COL2A1: variants seen among roughly 807,000 people sequenced by gnomAD.
The protein encoded by COL2A1 is collagen type II alpha 1 chain.
A neutral mutation model predicts 204.5 loss-of-function variants in COL2A1; 28 were observed. The ratio of observed to expected loss-of-function variants is 0.14; its 90% CI spans 0.10 to 0.19. The LOEUF (loss-of-function observed/expected upper bound fraction) is 0.19, where lower values mean the gene tolerates loss of function less well. Among genes scored for constraint, COL2A1 ranks in the 10% least tolerant of loss-of-function variants. The pLI is 1.00. For missense variants in COL2A1, 1,388 were observed against 2,027.5 expected (o/e 0.68, Z 6.06); for synonymous variants, 708 against 718.7 (o/e 0.99, Z 0.24).
chr12:47,992,729 A>T, intron 16 of COL2A1, 149 bp downstream of exon 16: 1 of 798,640 alleles, frequency 1.3e-6, no homozygotes, highest in Non-Finnish European at 2.2e-6. Context: ...TCAGCCTGGG[A>T]AGTTTTGATG....
intron 1 of COL2A1, 52 bp from the exon 2 acceptor site, chr12:48,000,177 G>T: frequency 7.6e-7 from 1 of 1,316,960 alleles, no homozygotes; most frequent in South Asian, 1.2e-5. Context: ...AGGAGGGGGT[G>T]GGGAGCCAGA....
At chr12:47,993,653 C>T in intron 14 of COL2A1, 151 bp from the exon 15 acceptor site, 1 of 1,105,496 alleles carries the variant, frequency 9.0e-7, no homozygotes, top group African/African-American at 1.5e-5. Context: ...CTCTCCAGGC[C>T]TGCTGTTGGC....
chr12:47,977,366 G>A lies in COL2A1; in HGVS notation c.3227C>T (p.Pro1076Leu), dbSNP rs577184544. 9 of 1,613,600 alleles carry A rather than the reference G, an allele frequency of 5.6e-6. No individual in the cohort carries two copies. In the African/African-American group the frequency reaches 1.2e-4, roughly 22 times the overall value. The change falls in exon 46 of 54, where the codon CCT (proline) becomes CTT (leucine). Residue 1076 changes from proline (P) to leucine (L), a missense_variant. Coordinates refer to ENST00000380518, the MANE Select transcript of COL2A1 (RefSeq NM_001844.5). ...CTTGCCAGTTGGACCAGCGGGGCCA[G>A]GGGAGCCAGGGGGCCCAGGGGCTCC... is the stretch of plus-strand genomic sequence containing the variant. ...APGAPGPPGS[P>L]GPAGPTGKQG...
rs376233628 is a variant in COL2A1 at position 47,992,840 on chromosome 12, T to C, written c.1023+38A>G. 15 of 1,610,670 alleles carry C rather than the reference T, an allele frequency of 9.3e-6. No homozygotes were observed. The Middle Eastern group carries it at 1.2e-3, about 124-fold the overall frequency. ...AACAAACCTGTAAACTCTAAAGTGC[T>C]CGGCAAATGGTGGTGTTTGGCTTTG... is the stretch of plus-strand genomic sequence containing the variant. On this transcript the variant is annotated intron_variant, in intron 16 of 53. Transcript: ENST00000380518.
intron 34 of COL2A1, 100 bp from the exon 35 acceptor site, chr12:47,982,260 C>T (rs1939134641): frequency 1.8e-6 from 2 of 1,107,836 alleles, no homozygotes; most frequent in Admixed American, 3.4e-5. Flanking sequence ...AGCCCAGTCC[C>T]TGCCCAAGAG....
At chr12:47,994,134 T>C in intron 12 of COL2A1, 87 bp from the exon 13 acceptor site, 2 of 1,463,330 alleles carry the variant, frequency 1.4e-6, no homozygotes, top group East Asian at 2.3e-5. Flanking sequence ...TCCAGTTCCC[T>C]TGGGCCACCA....
At chr12:47,986,311 G>T in intron 23 of COL2A1, 25 bp downstream of exon 23, 1 of 1,421,562 alleles carries the variant, frequency 7.0e-7, no homozygotes, top group Non-Finnish European at 9.7e-7. Context: ...GGCCCCATGG[G>T]ATGGAGCCTC....
intron 1 of COL2A1, 88 bp from the exon 2 acceptor site, chr12:48,000,213 A>G: frequency 2.2e-6 from 2 of 909,732 alleles, no homozygotes; most frequent in Non-Finnish European, 3.5e-6. Flanking sequence ...GTTGCAGTCA[A>G]CTTGACAGAA....
chr12:47,992,782 A>G (rs916087416), intron 16 of COL2A1, 96 bp downstream of exon 16: 4 of 1,266,406 alleles, frequency 3.2e-6, no homozygotes, highest in East Asian at 4.7e-5. Flanking sequence ...AATACTCCCT[A>G]TGCCTCACAG....
At position 47,974,766 on chromosome 12, in the gene COL2A1, G is replaced by A. The variant is rs1217363397; in HGVS notation, c.3983C>T (p.Pro1328Leu). 6.2e-7 allele frequency: 1 copy of A among 1,614,188 alleles called. No individual in the cohort carries two copies. The highest frequency in any genetic ancestry group is 1.7e-5 in the Admixed American group (1 of 60,028). ...CCAGTTCTTCTTGGGAACGTTTGCTGGATTGGGGTAGACGCAAGTCTCGCC... is the reference window on the plus strand; with the variant it reads ...CCAGTTCTTCTTGGGAACGTTTGCTAGATTGGGGTAGACGCAAGTCTCGCC... ...ETGETCVYPN[P>L]ANVPKKNWWS... Residue 1328 changes from proline (P) to leucine (L), a missense_variant, in exon 52 of 54, where the codon CCA (proline) becomes CTA (leucine). Physicochemically the swap from Pro to Leu is moderately conservative, Grantham distance 98. Coordinates refer to ENST00000380518, the MANE Select transcript of COL2A1 (RefSeq NM_001844.5).
intron 37 of COL2A1, 24 bp downstream of exon 37, chr12:47,981,319 A>G (rs1297442174): frequency 1.9e-6 from 3 of 1,610,642 alleles, no homozygotes; most frequent in Non-Finnish European, 2.5e-6. Flanking sequence ...GGGCAGAGCC[A>G]GGCTCAGAGG....
At chr12:48,002,813 A>G (rs1281742051) in intron 1 of COL2A1, 1 of 152,286 alleles carries the variant, frequency 6.6e-6, no homozygotes, top group Non-Finnish European at 1.5e-5. Flanking sequence ...AGCTTAGCGC[A>G]CTACCGGGTG....
rs570997824 is a variant in COL2A1 at position 47,987,308 on chromosome 12, G to T, written c.1227C>A (p.Asn409Lys). Residue 409 changes from asparagine (N) to lysine (K), a missense_variant, in exon 20 of 54, where the codon AAC (asparagine) becomes AAA (lysine). Transcript: ENST00000380518. This position sits in a 1 kb window ranked among gnomAD's most constrained non-coding sequence, Gnocchi z 4.1. ...GSPGPAGASG[N>K]PGTDGIPGAK... ...CTCCAGGAATTCCATCTGTTCCAGG[G>T]TTACCCTGAAAAGGGAGACATTGTC... 2 of 1,614,074 alleles carry T rather than the reference G, an allele frequency of 1.2e-6. No homozygotes were observed. The highest frequency in any genetic ancestry group is 2.7e-5 in the African/African-American group (2 of 75,020).
At chr12:47,998,006 GAGAA>G in intron 5 of COL2A1, 22 bp downstream of exon 5, 2 of 1,614,196 alleles carry the variant, frequency 1.2e-6, no homozygotes, top group Non-Finnish European at 1.7e-6. Context: ...GGAAGGGACG[GAGAA>G]AGAGATTTCT....
In COL2A1 at chr12:47,977,349, T is replaced by C. The variant is rs886049446; in HGVS notation, c.3244A>G (p.Thr1082Ala). The change falls in exon 46 of 54, where the codon ACT becomes GCT. Residue 1082 changes from threonine to alanine, a missense_variant. By Grantham distance (58) the Thr-to-Ala change is moderately conservative (BLOSUM62 0). This residue lies in a region of COL2A1 where 884 missense variants were observed against 1,415.8 expected (regional missense o/e 0.62). Transcript: ENST00000380518. The stretch of plus-strand genomic sequence containing the variant: ...TCTCCTCTGTCTCCTTGCTTGCCAG[T>C]TGGACCAGCGGGGCCAGGGGAGCCA... The part of the protein sequence containing the change: ...PPGSPGPAGP[T>A]GKQGDRGEAG... 1.2e-6 allele frequency: 2 copies of C among 1,613,678 alleles called. No homozygotes were observed. The highest frequency in any genetic ancestry group is 1.7e-5 in the Admixed American group (1 of 60,002).
At chr12:48,004,006 T>C (rs375363475) in intron 1 of COL2A1, 12 of 563,018 alleles carry the variant, frequency 2.1e-5, no homozygotes, top group African/African-American at 2.1e-4. Flanking sequence ...CGTAGGGACC[T>C]GCAAATACTT....
At chr12:48,003,198 T>TGACCCAGGCTTTGTTATTCAAAAAGCAG (rs1940316189) in intron 1 of COL2A1, among the ~76,000 whole-genome samples, 1 of 152,084 alleles carries the variant, frequency 6.6e-6, no homozygotes, top group Non-Finnish European at 1.5e-5. Context: ...GGTAGAAAGG[T>TGACCCAGGCTTTGTTATTCAAAAAGCAG]GCAGTCCGAA....
In COL2A1 at chr12:47,979,796, G is replaced by A. The variant is rs571140559; in HGVS notation, c.2679+213C>T. On this transcript the variant is annotated intron_variant, in intron 40 of 53. Transcript: ENST00000380518. ...CAGTCAGCACTTCAGGGAGCTGAAC[G>A]AGGGACAAGCCTCGGGCTGGGGAAT... 5.9e-5 allele frequency among the ~76,000 whole-genome samples: 9 copies of A among 152,318 alleles called. No homozygotes were observed. In the South Asian group the frequency reaches 6.2e-4, roughly 11 times the overall value.
Position 47,993,485 on chromosome 12 carries a change from C to T in COL2A1, c.942G>A (p.Pro314=), listed in dbSNP as rs772688503. Residue 314 remains proline (P), a synonymous_variant, in exon 15 of 54, where the codon CCG becomes CCA. Coordinates refer to ENST00000380518, the MANE Select transcript of COL2A1 (RefSeq NM_001844.5). ...TTGGGCCCGGAGATCCGTTCTCACC[C>T]GGGGAACCACTCTCACCCTGGAAAA... ...APGVKGESGS[P]GENGSPGPMG... 1.4e-5 allele frequency: 22 copies of T among 1,613,788 alleles called. No homozygotes were observed. The highest frequency in any genetic ancestry group is 3.3e-4 in the Middle Eastern group (2 of 6,080).
Sources: allele counts gnomAD v4.1 joint callset (sites outside exome capture counted in the v4.1 genomes callset), GRCh38; gene constraint gnomAD v4.1.1; regional missense constraint gnomAD v4.1.1; non-coding constraint Gnocchi (gnomAD v3.1); transcripts MANE v1.5; gene names NCBI Gene and HGNC (gene_info 2026-07-23, HGNC 2026-07-21).